The following RUNX1 variants were observed in gnomAD, a reference collection of about 807,000 sequenced individuals.
RUNX1 encodes the protein runt-related transcription factor 1.
In RUNX1, 19 loss-of-function variants were observed where a neutral mutation model predicts 42.8. The observed-to-expected ratio is 0.44, with a 90% CI of 0.31 to 0.65. The LOEUF (loss-of-function observed/expected upper bound fraction) is 0.65. RUNX1 is among the 30% of genes least tolerant of loss of function. The probability of loss-of-function intolerance (pLI) is 0.07; values close to 1 mark genes in which losing one functional copy is unlikely to be tolerated. For synonymous variants in RUNX1, 271 were observed against 289.4 expected (o/e 0.94, Z 0.64); for missense variants, 528 against 672.0 (o/e 0.79, Z 2.37).
At chr21:34,880,271 T>G (rs2057875444) in intron 5 of RUNX1, among the ~76,000 whole-genome samples, 1 of 152,246 alleles carries the variant, frequency 6.6e-6, no homozygotes, top group Non-Finnish European at 1.5e-5. Flanking sequence ...GTTTTATATT[T>G]TTTGCATTTT....
intron 5 of RUNX1, among the ~76,000 whole-genome samples, chr21:34,870,445 C>T (rs9982450): frequency 1.8e-4 from 28 of 152,310 alleles, no homozygotes; most frequent in African/African-American, 6.5e-4. Flanking sequence ...GGGGACATGA[C>T]GCAATGGCTT....
intron 2 of RUNX1, among the ~76,000 whole-genome samples, chr21:34,924,595 G>A (rs2058379292): frequency 6.6e-6 from 1 of 152,306 alleles, no homozygotes; most frequent in South Asian, 2.1e-4. Context: ...ATGCGGTTTA[G>A]TATCACTGAA....
chr21:35,047,856 G>A (rs1370972622), intron 2 of RUNX1, among the ~76,000 whole-genome samples: 1 of 152,208 alleles, frequency 6.6e-6, no homozygotes, highest in Non-Finnish European at 1.5e-5. Context: ...TGGTCAGAGT[G>A]CGTGCCCCGA....
intron 7 of RUNX1, among the ~76,000 whole-genome samples, chr21:34,804,322 T>C (rs1322207762): frequency 1.3e-5 from 2 of 152,110 alleles, no homozygotes; most frequent in Non-Finnish European, 2.9e-5. Flanking sequence ...ATTATAACAG[T>C]GGGTTATGGC....
rs114676655 is a variant in RUNX1, at chr21:34,959,342, C to T, written c.59-66379G>A. On this transcript the variant is annotated intron_variant, in intron 2 of 8. Coordinates refer to ENST00000675419, the MANE Select transcript of RUNX1 (RefSeq NM_001754.5). ...CAGCTGCGTGACCCTGGGCAAGGTA[C>T]GCAAGCTCTCTGTCCCTCAGTTCCT... Among the ~76,000 whole-genome samples, 1,184 of 152,218 alleles carry T rather than the reference C, an allele frequency of 7.8e-3. 8 individuals carry two copies. Among genetic ancestry groups the T allele is most frequent in the African/African-American group, 0.02 (849 of 41,524 alleles).
chr21:34,951,512 A>T (rs1000754131), intron 2 of RUNX1, among the ~76,000 whole-genome samples: 3 of 152,316 alleles, frequency 2.0e-5, no homozygotes, highest in Middle Eastern at 6.8e-3. Flanking sequence ...GAATCTGTGA[A>T]GAACTTAAAC....
chr21:34,852,508 C>T (rs966744440), intron 6 of RUNX1, among the ~76,000 whole-genome samples: 3 of 152,182 alleles, frequency 2.0e-5, no homozygotes, highest in Non-Finnish European at 4.4e-5. Context: ...CATTTAGGCA[C>T]GATTATTATT....
chr21:35,039,755 G>A (rs1385803926), intron 2 of RUNX1, among the ~76,000 whole-genome samples: 6 of 152,056 alleles, frequency 3.9e-5, no homozygotes, highest in South Asian at 2.1e-4. Flanking sequence ...TTTCATTGTC[G>A]GCACTTCTAC....
chr21:34,797,735 T>C (rs1206013274), intron 8 of RUNX1, among the ~76,000 whole-genome samples: 2 of 152,230 alleles, frequency 1.3e-5, no homozygotes, highest in African/African-American at 4.8e-5. Flanking sequence ...TTGGCATTAA[T>C]GGCCAAAAGT....
At chr21:34,798,226 T>C in intron 8 of RUNX1, 1 of 434,386 alleles carries the variant, frequency 2.3e-6, no homozygotes, top group South Asian at 1.6e-5. Context: ...CCAACACACA[T>C]GCGAGTGTGT....
intron 2 of RUNX1, among the ~76,000 whole-genome samples, chr21:34,919,955 C>T (rs2058341556): frequency 6.6e-6 from 1 of 152,184 alleles, no homozygotes. Context: ...TCTTGCCAGG[C>T]TCTGCGTTAG....
chr21:34,960,017 G>A (rs2058671560), intron 2 of RUNX1, among the ~76,000 whole-genome samples: 1 of 152,152 alleles, frequency 6.6e-6, no homozygotes, highest in African/African-American at 2.4e-5. Context: ...GGCATGTGGA[G>A]GTCGGCTTGC....
At chr21:34,967,101 A>G (rs554931681) in intron 2 of RUNX1, among the ~76,000 whole-genome samples, 256 of 152,000 alleles carry the variant, frequency 1.7e-3, no homozygotes, top group Non-Finnish European at 1.8e-3. Flanking sequence ...CGAGTGGATC[A>G]TGAAGTCAGG....
At chr21:34,794,736 G>A (rs188226808) in intron 8 of RUNX1, among the ~76,000 whole-genome samples, 1 of 152,298 alleles carries the variant, frequency 6.6e-6, no homozygotes, top group South Asian at 2.1e-4. Context: ...CTGTAGATCA[G>A]AGTTTCTCAA....
chr21:34,930,085 GAT>G (rs2058427958), intron 2 of RUNX1, among the ~76,000 whole-genome samples: 2 of 147,138 alleles, frequency 1.4e-5, no homozygotes, highest in African/African-American at 2.5e-5. Flanking sequence ...ATCTCATAAA[GAT>G]ATATATTTAA....
intron 2 of RUNX1, among the ~76,000 whole-genome samples, chr21:35,033,503 C>T (rs913560209): frequency 2.6e-5 from 4 of 152,150 alleles, no homozygotes; most frequent in Non-Finnish European, 4.4e-5. Flanking sequence ...TTCTCTGTCC[C>T]TCTAACACCT....
At chr21:34,891,061 A>AGGG (rs1312889094) in intron 3 of RUNX1, among the ~76,000 whole-genome samples, 1 of 152,032 alleles carries the variant, frequency 6.6e-6, no homozygotes, top group African/African-American at 2.4e-5. Flanking sequence ...GGAAAGGTCC[A>AGGG]GGGAGGCTCC....
At chr21:34,958,527 G>A (rs375230790) in intron 2 of RUNX1, among the ~76,000 whole-genome samples, 6 of 152,162 alleles carry the variant, frequency 3.9e-5, no homozygotes, top group African/African-American at 9.7e-5. Flanking sequence ...TTAGAATGGC[G>A]ATCATTCAAA....
At chr21:34,839,778 T>A (rs2057206105) in intron 6 of RUNX1, among the ~76,000 whole-genome samples, 1 of 152,168 alleles carries the variant, frequency 6.6e-6, no homozygotes, top group Admixed American at 6.5e-5. Flanking sequence ...ACGCTGGGAA[T>A]ATCTGCATGA....
Sources: allele counts gnomAD v4.1 joint callset (sites outside exome capture counted in the v4.1 genomes callset), GRCh38; gene constraint gnomAD v4.1.1; transcripts MANE v1.5; gene names NCBI Gene and HGNC (gene_info 2026-07-23, HGNC 2026-07-21).